NCOR1: variants seen among roughly 807,000 people sequenced by gnomAD.
NCOR1 encodes nuclear receptor corepressor 1.
Under a neutral mutation model 288.1 loss-of-function variants are expected in NCOR1, and 63 were observed. The observed-to-expected ratio is 0.22, with a 90% CI of 0.18 to 0.27. NCOR1 has a LOEUF of 0.27. Ranked by LOEUF, NCOR1 falls within the 10% of genes least tolerant of loss-of-function variation. The probability of loss-of-function intolerance (pLI) is 1.00; values close to 1 mark genes in which losing one functional copy is unlikely to be tolerated. For synonymous variants in NCOR1, 1,007 were observed against 1,065.9 expected (o/e 0.94, Z 1.08); for missense variants, 2,397 against 3,019.2 (o/e 0.79, Z 4.83).
chr17:16,147,065 A>G (rs1263600142), intron 9 of NCOR1, among the ~76,000 whole-genome samples: 1 of 152,192 alleles, frequency 6.6e-6, no homozygotes, highest in Non-Finnish European at 1.5e-5. Context: ...TATATAACAA[A>G]CATTTTGACA....
At chr17:16,063,623 G>A (rs1041800010) in intron 35 of NCOR1, among the ~76,000 whole-genome samples, 6 of 152,144 alleles carry the variant, frequency 3.9e-5, no homozygotes, top group Non-Finnish European at 5.9e-5. Context: ...TATTCCACTC[G>A]TGTAAATGTC....
chr17:16,090,906 C>T (rs1300485940), intron 22 of NCOR1, among the ~76,000 whole-genome samples: 1 of 152,120 alleles, frequency 6.6e-6, no homozygotes, highest in Non-Finnish European at 1.5e-5. Context: ...AAATAAAGTA[C>T]TGTAAAGAAT....
intron 1 of NCOR1, among the ~76,000 whole-genome samples, chr17:16,198,986 C>T (rs2090345136): frequency 6.6e-6 from 1 of 151,910 alleles, no homozygotes; most frequent in Admixed American, 6.6e-5. Context: ...TTTTTTAATG[C>T]ACATTGTTTA....
intron 37 of NCOR1, among the ~76,000 whole-genome samples, chr17:16,061,005 T>A (rs531657407): frequency 6.6e-6 from 1 of 152,186 alleles, no homozygotes; most frequent in Admixed American, 6.5e-5. Context: ...AACCTGTGTC[T>A]TAGAAAAAGG....
rs146904958 is a variant in NCOR1 at position 16,195,926 on chromosome 17, G to T, written c.-70-1287C>A. Among the ~76,000 whole-genome samples, 629 of 151,890 alleles carry T rather than the reference G, an allele frequency of 4.1e-3. 7 individuals carry two copies. The highest frequency in any genetic ancestry group is 0.014 in the African/African-American group (591 of 41,434). On this transcript the variant is annotated intron_variant, in intron 1 of 45. Coordinates refer to ENST00000268712, the MANE Select transcript of NCOR1 (RefSeq NM_006311.4). ...ATGTATTTTACATACATATGATAGA[G>T]AATATTACATATGTATAAAAATGTG...
intron 5 of NCOR1, among the ~76,000 whole-genome samples, chr17:16,160,972 A>C (rs1176240169): frequency 2.0e-5 from 3 of 152,128 alleles, no homozygotes; most frequent in Admixed American, 6.5e-5. Flanking sequence ...GGAGAGTCTA[A>C]ACTGTAAGGA....
At chr17:16,179,084 C>T (rs1445734615) in intron 3 of NCOR1, among the ~76,000 whole-genome samples, 1 of 152,160 alleles carries the variant, frequency 6.6e-6, no homozygotes, top group African/African-American at 2.4e-5. Flanking sequence ...GCCTGTGCAT[C>T]AGAGTGAGAC....
intron 14 of NCOR1, among the ~76,000 whole-genome samples, chr17:16,127,677 GTATGTGTATATATACATATATGTATATA>G (rs2074895642): frequency 1.9e-4 from 27 of 143,508 alleles, no homozygotes; most frequent in African/African-American, 4.0e-4. Context: ...GTATATATGT[GTATGTGTATATATACATATATGTATATA>G]TGTGTGTGTA....
rs778056591 is a variant in NCOR1, at chr17:16,137,349, C to T, written c.1471G>A (p.Val491Ile). 1.6e-5 allele frequency: 25 copies of T among 1,604,370 alleles called. No individual in the cohort carries two copies. Among genetic ancestry groups the T allele is most frequent in the East Asian group, 9.0e-5 (4 of 44,352 alleles). Reference sequence around the variant, plus strand: ...CTGCGTTTCCCATAATTCCTTCTGACGAGGGCTTTATAATTCTCATTTTTC... The same window carrying T: ...CTGCGTTTCCCATAATTCCTTCTGATGAGGGCTTTATAATTCTCATTTTTC... ...TKKNENYKAL[V>I]RRNYGKRRGR... is the part of the protein sequence containing the mutation. The change falls in exon 14 of 46, where the codon GTC (valine) becomes ATC (isoleucine). Residue 491 changes from valine to isoleucine, a missense_variant. Val to Ile is a conservative substitution (Grantham distance 29). Coordinates refer to ENST00000268712, the MANE Select transcript of NCOR1 (RefSeq NM_006311.4).
At chr17:16,119,311 C>CT in intron 17 of NCOR1, 112 bp downstream of exon 17, 1 of 771,274 alleles carries the variant, frequency 1.3e-6, no homozygotes, top group East Asian at 2.6e-5. Flanking sequence ...TCCTCTTTGC[C>CT]TTTTTGAAAG....
rs1020478093 is a variant in NCOR1 at position 16,095,768 on chromosome 17, G to A, written c.2820+2599C>T. 1.0e-4 allele frequency among the ~76,000 whole-genome samples: 15 copies of A among 149,714 alleles called. 1 individual carries two copies. The highest frequency in any genetic ancestry group is 1.9e-4 in the Non-Finnish European group (13 of 67,198). On this transcript the variant is annotated intron_variant, in intron 21 of 45. Coordinates refer to ENST00000268712, the MANE Select transcript of NCOR1 (RefSeq NM_006311.4). ...AGGTGAGGGGCGCCTCTGCCCGGCT[G>A]CCCCTACTGGGAAGTGAGGAGCCCC...
In NCOR1 at chr17:16,046,965, C is replaced by T. The variant is rs748917908; in HGVS notation, c.6665G>A (p.Gly2222Asp). Residue 2222 changes from glycine (G) to aspartate (D), a missense_variant, in exon 42 of 46, where the codon GGT (glycine) becomes GAT (aspartate). Physicochemically the swap from Gly to Asp is moderately conservative, Grantham distance 94 (BLOSUM62 -1). Around this residue, in one of 11 missense-constraint regions of NCOR1, gnomAD observed 1,872 missense variants for 2,187.8 expected, o/e 0.86. Coordinates refer to ENST00000268712, the MANE Select transcript of NCOR1 (RefSeq NM_006311.4). ...ATCCCACTTACCCATATCAGAGTCACCTCCACCAGAGGAGTTCAACTTACG... is the reference window on the plus strand; with the variant it reads ...ATCCCACTTACCCATATCAGAGTCATCTCCACCAGAGGAGTTCAACTTACG... ...IFRKLNSSGGGDSDMAAAQPG... is the reference protein window; with the variant it reads ...IFRKLNSSGGDDSDMAAAQPG... 1.2e-6 allele frequency: 2 copies of T among 1,613,802 alleles called. No homozygotes were observed. The highest frequency in any genetic ancestry group is 1.1e-5 in the South Asian group (1 of 91,046).
intron 21 of NCOR1, among the ~76,000 whole-genome samples, chr17:16,094,405 T>A (rs1232227667): frequency 6.6e-6 from 1 of 152,194 alleles, no homozygotes; most frequent in Non-Finnish European, 1.5e-5. Flanking sequence ...CACTTATTAT[T>A]TGAGATAGAA....
At chr17:16,197,867 G>A (rs2090125799) in intron 1 of NCOR1, among the ~76,000 whole-genome samples, 2 of 152,066 alleles carry the variant, frequency 1.3e-5, no homozygotes, top group South Asian at 4.1e-4. Context: ...AAGTACCGCA[G>A]AATATAAAGC....
intron 9 of NCOR1, among the ~76,000 whole-genome samples, chr17:16,148,535 T>C (rs1427543795): frequency 6.6e-6 from 1 of 151,756 alleles, no homozygotes; most frequent in Non-Finnish European, 1.5e-5. Context: ...TCGGTGAAAA[T>C]ACAAACCTTA....
intron 14 of NCOR1, among the ~76,000 whole-genome samples, chr17:16,135,158 C>CA (rs577308243): frequency 0.14 from 4,720 of 33,002 alleles, 370 homozygotes; most frequent in Non-Finnish European, 0.18. Context: ...GACTCCATCT[C>CA]AAAAAAAAAA....
chr17:16,078,898 G>A (rs2062948860), intron 26 of NCOR1, among the ~76,000 whole-genome samples: 1 of 152,206 alleles, frequency 6.6e-6, no homozygotes, highest in African/African-American at 2.4e-5. Flanking sequence ...TTAAGAGTCA[G>A]TATGTAACTT....
intron 2 of NCOR1, 98 bp downstream of exon 2, chr17:16,194,364 G>T: frequency 3.2e-6 from 2 of 630,004 alleles, no homozygotes; most frequent in Non-Finnish European, 2.5e-6. Context: ...AAAAAAAAAA[G>T]ATAAATTTGG....
intron 6 of NCOR1, among the ~76,000 whole-genome samples, chr17:16,157,282 T>G (rs2079972192): frequency 6.6e-6 from 1 of 152,220 alleles, no homozygotes; most frequent in Non-Finnish European, 1.5e-5. Flanking sequence ...TCATGTAGAC[T>G]GCTGTGGCCA....
Sources: allele counts gnomAD v4.1 joint callset (sites outside exome capture counted in the v4.1 genomes callset), GRCh38; gene constraint gnomAD v4.1.1; regional missense constraint gnomAD v4.1.1; transcripts MANE v1.5; gene names NCBI Gene and HGNC (gene_info 2026-07-23, HGNC 2026-07-21).